Variants in FLVCR1 observed in about 807,000 individuals in gnomAD.
The protein encoded by FLVCR1 is FLVCR choline and heme transporter 1, also known as choline/ethanolamine transporter FLVCR1.
A neutral mutation model predicts 53.6 loss-of-function variants in FLVCR1; 34 were observed. The ratio of observed to expected loss-of-function variants is 0.63; its 90% confidence interval spans 0.48 to 0.84. FLVCR1 has a LOEUF of 0.84. Ranked by LOEUF, FLVCR1 falls within the 40% of genes least tolerant of loss-of-function variation. The pLI, the probability that FLVCR1 is intolerant of heterozygous loss-of-function variation, is 0.00. For synonymous variants in FLVCR1, 300 were observed against 286.3 expected, an observed-to-expected ratio of 1.05 and a Z score of -0.48; for missense variants, 677 against 696.7, an observed-to-expected ratio of 0.97 and a Z score of 0.32.
Position 212,858,943 on chromosome 1 carries a change from C to A in FLVCR1, c.491C>A (p.Ala164Asp). 1.2e-6 allele frequency: 2 copies of A among 1,614,232 alleles called. No homozygotes were observed. Among genetic ancestry groups the A allele is most frequent in the Non-Finnish European group, 1.7e-6 (2 of 1,180,042 alleles). Residue 164 changes from alanine (A) to aspartate (D), a missense_variant, in exon 1 of 10, where the codon GCC (alanine) becomes GAC (aspartate). By Grantham distance (126) the Ala-to-Asp change is moderately radical. Coordinates refer to ENST00000366971, the MANE Select transcript of FLVCR1 (RefSeq NM_014053.4). ...MLAYVPLIFP[A>D]TWLLDTRGLR... is the part of the protein sequence containing the mutation. ...GCCTACGTGCCCCTCATCTTCCCGGCCACCTGGCTGCTGGACACCAGAGGC... is the reference window on the plus strand; with the variant it reads ...GCCTACGTGCCCCTCATCTTCCCGGACACCTGGCTGCTGGACACCAGAGGC...
At chr1:212,872,232 A>C (rs1664621196) in intron 2 of FLVCR1, among the ~76,000 whole-genome samples, 1 of 152,078 alleles carries the variant, frequency 6.6e-6, no homozygotes, top group Non-Finnish European at 1.5e-5. Context: ...TTCCCCCTTC[A>C]ACCTCCCAAA....
chr1:212,864,698 A>G (rs920025330), intron 2 of FLVCR1, among the ~76,000 whole-genome samples: 1 of 152,238 alleles, frequency 6.6e-6, no homozygotes, highest in African/African-American at 2.4e-5. Context: ...TCTTTTAATC[A>G]TTCAAATTTA....
chr1:212,874,960 TATACACTGTTA>T (rs1209076985), intron 3 of FLVCR1, among the ~76,000 whole-genome samples: 1 of 150,100 alleles, frequency 6.7e-6, no homozygotes, highest in Non-Finnish European at 1.5e-5. Flanking sequence ...TCCACATGCA[TATACACTGTTA>T]ATTCTAGTCT....
rs1665330200 is a variant in FLVCR1 at position 212,896,145 on chromosome 1, T to TCC, written c.*856_*857dup. On this transcript the variant is annotated 3_prime_UTR_variant, in exon 10 of 10. Coordinates refer to ENST00000366971, the MANE Select transcript of FLVCR1 (RefSeq NM_014053.4). Reference sequence around the variant, plus strand: ...CTTTTAAACTCTCTTTTTTTTTTTTTCCTGATGTGTAACTTTCTAGTAAGA... The same window carrying TCC: ...CTTTTAAACTCTCTTTTTTTTTTTTTCCCCTGATGTGTAACTTTCTAGTAAGA... 4.0e-5 allele frequency: 6 copies of TCC among 151,822 alleles called. No individual in the cohort carries two copies. Among genetic ancestry groups the TCC allele is most frequent in the Non-Finnish European group, 5.9e-5 (4 of 67,938 alleles). 9.4% of individuals were successfully genotyped at this position (151,822 alleles called of 1,614,324 possible).
chr1:212,872,696 G>T lies in FLVCR1; in HGVS notation c.902G>T (p.Arg301Leu). 1 of 1,612,972 alleles carries T rather than the reference G, an allele frequency of 6.2e-7. No individual in the cohort carries two copies. Among genetic ancestry groups the T allele is most frequent in the Non-Finnish European group, 8.5e-7 (1 of 1,179,452 alleles). ...LTAIAFKEKP[R>L]YPPSQAQAAL... ...TTCTCAGCCTTCAAAGAAAAACCTC[G>T]GTATCCACCAAGTCAGGCTCAAGCA... Residue 301 changes from arginine (R) to leucine (L), a missense_variant, in exon 3 of 10, where the codon CGG becomes CTG. By Grantham distance (102) the Arg-to-Leu change is moderately radical. Transcript: ENST00000366971.
intron 3 of FLVCR1, 112 bp downstream of exon 3, chr1:212,872,930 T>G: frequency 5.7e-6 from 6 of 1,048,334 alleles, no homozygotes; most frequent in Non-Finnish European, 8.8e-6. Context: ...CTGTTAACTC[T>G]ACAGCATAAT....
At chr1:212,875,204 T>C (rs910275845) in intron 3 of FLVCR1, among the ~76,000 whole-genome samples, 1 of 152,214 alleles carries the variant, frequency 6.6e-6, no homozygotes, top group East Asian at 1.9e-4. Flanking sequence ...TTTCTGCCCA[T>C]AGGAAATTGA....
At chr1:212,876,837 C>T (rs530649386) in intron 3 of FLVCR1, among the ~76,000 whole-genome samples, 1 of 152,224 alleles carries the variant, frequency 6.6e-6, no homozygotes, top group South Asian at 2.1e-4. Context: ...GATTTATATT[C>T]CTTTGGGTGT....
intron 3 of FLVCR1, among the ~76,000 whole-genome samples, chr1:212,874,526 C>CTTTTTTT (rs61497441): frequency 1.4e-4 from 17 of 120,882 alleles, no homozygotes; most frequent in African/African-American, 2.9e-4. Context: ...TTCTTTTTTT[C>CTTTTTTT]TTTTTTTTTT....
chr1:212,872,223 T>C (rs1664620905), intron 2 of FLVCR1, among the ~76,000 whole-genome samples: 1 of 152,088 alleles, frequency 6.6e-6, no homozygotes, highest in Admixed American at 6.6e-5. Context: ...CAAGGGTTCT[T>C]CCCCCTTCAA....
intron 3 of FLVCR1, among the ~76,000 whole-genome samples, chr1:212,873,809 G>A (rs1259261231): frequency 6.6e-6 from 1 of 152,130 alleles, no homozygotes; most frequent in Non-Finnish European, 1.5e-5. Flanking sequence ...TGTTTTACAA[G>A]TTGTAACCAA....
chr1:212,878,204 T>TA lies in FLVCR1; in HGVS notation c.1025-5163dup, dbSNP rs1334742648. ...AAATGTTTAGTGATCACCCATCTAT[T>TA]AAAATAATACAAGAGAGACCAGGCG... On this transcript the variant is annotated intron_variant, in intron 3 of 9. Transcript: ENST00000366971. 9.2e-5 allele frequency among the ~76,000 whole-genome samples: 14 copies of TA among 152,226 alleles called. No individual in the cohort carries two copies. The East Asian group carries it at 2.1e-3, about 23-fold the overall frequency.
Position 212,898,892 on chromosome 1 carries a change from C to T in FLVCR1, c.*3602C>T, listed in dbSNP as rs781159643. On this transcript the variant is annotated 3_prime_UTR_variant, in exon 10 of 10. Coordinates refer to ENST00000366971, the MANE Select transcript of FLVCR1 (RefSeq NM_014053.4). ...GTAGGCAACTGTAACACAATGGTAT[C>T]TGTGTAATCTAAACATAGAACAGAT... 6.6e-6 allele frequency: 1 copy of T among 152,208 alleles called. No individual in the cohort carries two copies. The highest frequency in any genetic ancestry group is 2.1e-4 in the South Asian group (1 of 4,838). 9.4% of individuals were successfully genotyped at this position (152,208 alleles called of 1,614,324 possible).
At position 212,858,937 on chromosome 1, in the gene FLVCR1, T is replaced by G. The variant is rs762809105; in HGVS notation, c.485T>G (p.Phe162Cys). 6.2e-7 allele frequency: 1 copy of G among 1,614,082 alleles called. No homozygotes were observed. Among genetic ancestry groups the G allele is most frequent in the African/African-American group, 1.3e-5 (1 of 74,940 alleles). Residue 162 changes from phenylalanine to cysteine, a missense_variant, in exon 1 of 10, where the codon TTC (phenylalanine) becomes TGC (cysteine). Phe to Cys is a radical substitution (Grantham distance 205). Coordinates refer to ENST00000366971, the MANE Select transcript of FLVCR1 (RefSeq NM_014053.4). ...VYMLAYVPLI[F>C]PATWLLDTRG... is the part of the protein sequence containing the mutation. Reference sequence around the variant, plus strand: ...ATGCTGGCCTACGTGCCCCTCATCTTCCCGGCCACCTGGCTGCTGGACACC... The same window carrying G: ...ATGCTGGCCTACGTGCCCCTCATCTGCCCGGCCACCTGGCTGCTGGACACC...
chr1:212,890,557 T>C (rs886427862), intron 8 of FLVCR1, among the ~76,000 whole-genome samples: 1 of 152,196 alleles, frequency 6.6e-6, no homozygotes, highest in Non-Finnish European at 1.5e-5. Context: ...ACATATGGGC[T>C]GCAGACCACA....
rs748337301 is a variant in FLVCR1 at position 212,899,002 on chromosome 1, T to C, written c.*3712T>C. The C allele has an allele frequency of 1.3e-5, 2 of 152,254 alleles. No homozygotes were observed. The highest frequency in any genetic ancestry group is 2.9e-5 in the Non-Finnish European group (2 of 68,038). 9.4% of individuals were successfully genotyped at this position (152,254 alleles called of 1,614,324 possible). A position where few individuals can be genotyped will look rare whatever the true frequency, so the allele number is the denominator to read the frequency against. On this transcript the variant is annotated 3_prime_UTR_variant, in exon 10 of 10. Transcript: ENST00000366971. ...AGTTCCATTATAATCTTATAGGATC[T>C]CTGTCATATGTGGTCAATTGTTGAT...
chr1:212,858,429 A>C lies in FLVCR1; in HGVS notation c.-24A>C. 7.0e-7 allele frequency: 1 copy of C among 1,428,864 alleles called. No individual in the cohort carries two copies. Among genetic ancestry groups the C allele is most frequent in the Non-Finnish European group, 9.1e-7 (1 of 1,095,918 alleles). 88.5% of individuals were successfully genotyped at this position (1,428,864 alleles called of 1,614,324 possible). ...AGTCGGGGAGTGGGGCGGGGGAGCG[A>C]GGTGGCGCCGGGGAGCCTGGGATAT... On this transcript the variant is annotated 5_prime_UTR_variant, in exon 1 of 10. Transcript: ENST00000366971.
At chr1:212,887,782 G>A (rs1665096216) in intron 5 of FLVCR1, 109 bp from the exon 6 acceptor site, 1 of 658,738 alleles carries the variant, frequency 1.5e-6, no homozygotes, top group African/African-American at 1.8e-5. Context: ...GACAAGAAGG[G>A]GTGAACTTTG....
intron 1 of FLVCR1, 192 bp from the exon 2 acceptor site, chr1:212,863,533 G>A (rs1572007186): frequency 1.9e-6 from 1 of 536,906 alleles, no homozygotes; most frequent in South Asian, 2.1e-5. Flanking sequence ...AGGTTGCAGT[G>A]AGCCAAGATT....
Sources: gnomAD v4.1 joint callset for allele counts (sites outside exome capture counted in the v4.1 genomes callset) on GRCh38, gnomAD v4.1.1 for gene constraint, MANE v1.5 for transcripts, NCBI Gene and HGNC (gene_info 2026-07-23, HGNC 2026-07-21) for gene names.